Variants in NR5A2 observed in about 807,000 individuals in gnomAD.
NR5A2 encodes the protein nuclear receptor subfamily 5 group A member 2, also known as CYP7A promoter-binding factor.
In NR5A2, 26 loss-of-function variants were observed where a neutral mutation model predicts 62.7. That is an observed-to-expected ratio of 0.41 (90% CI 0.30 to 0.58). NR5A2 has a LOEUF of 0.58. NR5A2 is among the 20% of genes least tolerant of loss of function. The pLI is 0.22. For synonymous variants in NR5A2, 246 were observed against 241.7 expected (o/e 1.02, Z -0.16); for missense variants, 541 against 669.1 (o/e 0.81, Z 2.11).
rs1288673928 is a variant in NR5A2 at position 200,070,895 on chromosome 1, G to A, written c.1110+22077G>A. The stretch of plus-strand genomic sequence containing the variant: ...GCAGAGTTTCAGTTTATATGTGCAG[G>A]CTCTCAGGTAAAAGGGAGAATTCTG... On this transcript the variant is annotated intron_variant, in intron 5 of 7. Coordinates refer to ENST00000367362, the MANE Select transcript of NR5A2 (RefSeq NM_205860.3). Among the ~76,000 whole-genome samples, 7 of 152,214 alleles carry A rather than the reference G, an allele frequency of 4.6e-5. No individual in the cohort carries two copies. In the East Asian group the frequency reaches 1.4e-3, roughly 29 times the overall value.
intron 1 of NR5A2, among the ~76,000 whole-genome samples, chr1:200,030,134 T>C (rs1661499531): frequency 6.6e-6 from 1 of 152,108 alleles, no homozygotes; most frequent in African/African-American, 2.4e-5. Context: ...AGAGAGTGTC[T>C]GAGGGTCTCG....
chr1:200,167,184 G>A (rs1446724787), intron 7 of NR5A2, among the ~76,000 whole-genome samples: 1 of 152,006 alleles, frequency 6.6e-6, no homozygotes, highest in African/African-American at 2.4e-5. Flanking sequence ...CTTTATGTCT[G>A]GCCATTTCCT....
At chr1:200,124,187 A>G (rs1666602984) in intron 7 of NR5A2, among the ~76,000 whole-genome samples, 1 of 152,216 alleles carries the variant, frequency 6.6e-6, no homozygotes, top group African/African-American at 2.4e-5. Flanking sequence ...AAGATGTGGC[A>G]GAGTTGAGAG....
intron 5 of NR5A2, among the ~76,000 whole-genome samples, chr1:200,065,048 G>A (rs891272185): frequency 1.3e-4 from 20 of 151,986 alleles, no homozygotes; most frequent in African/African-American, 4.3e-4. Context: ...GCCTCCCGAA[G>A]TGTTGGGGTT....
At chr1:200,091,995 G>A (rs1558132513) in intron 5 of NR5A2, among the ~76,000 whole-genome samples, 3 of 152,234 alleles carry the variant, frequency 2.0e-5, no homozygotes, top group South Asian at 4.1e-4. Context: ...ACAGTCCCCC[G>A]AACTGCTGGA....
chr1:200,090,505 T>C (rs1664764342), intron 5 of NR5A2, among the ~76,000 whole-genome samples: 2 of 152,238 alleles, frequency 1.3e-5, no homozygotes, highest in East Asian at 1.9e-4. Context: ...CTTGGTGTAA[T>C]TGGAAAAATA....
intron 5 of NR5A2, among the ~76,000 whole-genome samples, chr1:200,078,227 A>T (rs1022755227): frequency 2.6e-5 from 4 of 152,218 alleles, no homozygotes; most frequent in Admixed American, 6.5e-5. Flanking sequence ...GAGTTGGTCC[A>T]CTAAAGACTT....
At chr1:200,172,590 G>T (rs1351275124) in intron 7 of NR5A2, among the ~76,000 whole-genome samples, 2 of 152,306 alleles carry the variant, frequency 1.3e-5, no homozygotes, top group African/African-American at 4.8e-5. Flanking sequence ...TCAGAGACTT[G>T]GGGATGGAAA....
intron 7 of NR5A2, among the ~76,000 whole-genome samples, chr1:200,152,729 C>G (rs550495205): frequency 6.6e-6 from 1 of 151,686 alleles, no homozygotes; most frequent in Non-Finnish European, 1.5e-5. Flanking sequence ...TTTTCTATTT[C>G]GTTTTTCTAT....
At chr1:200,050,932 T>A (rs537011452) in intron 5 of NR5A2, among the ~76,000 whole-genome samples, 7 of 152,282 alleles carry the variant, frequency 4.6e-5, no homozygotes, top group African/African-American at 1.4e-4. Context: ...ATCACTGTTG[T>A]TTTATGAAAA....
intron 7 of NR5A2, 83 bp downstream of exon 7, chr1:200,121,038 GTT>G: frequency 2.7e-6 from 4 of 1,458,542 alleles, no homozygotes; most frequent in Non-Finnish European, 3.8e-6. Context: ...GTCCATGTAT[GTT>G]TTTGTTCTAT....
rs191572805 is a variant in NR5A2, at chr1:200,147,666, G to A, written c.1379-26297G>A. ...TGTCGATTGAGTTGAAGTCGGACACGTGGAAGACATGGGTGGACTTGGGCT... is the reference window on the plus strand; with the variant it reads ...TGTCGATTGAGTTGAAGTCGGACACATGGAAGACATGGGTGGACTTGGGCT... On this transcript the variant is annotated intron_variant, in intron 7 of 7. Transcript: ENST00000367362. This position sits in a 1 kb window ranked among gnomAD's most constrained non-coding sequence, Gnocchi z 4.9. 61 of 698,174 alleles carry A rather than the reference G, an allele frequency of 8.7e-5. No individual in the cohort carries two copies. In the East Asian group the frequency reaches 1.8e-3, roughly 20 times the overall value. The allele number at this position is 698,174 out of a possible 1,614,324, so 43.2% of individuals were successfully genotyped here. A position where few individuals can be genotyped will look rare whatever the true frequency, so the allele number is the denominator to read the frequency against.
In NR5A2 at chr1:200,119,486, C is replaced by T. The variant is rs1165320638; in HGVS notation, c.1231-1322C>T. ...CTCTCCAGTAAAAAAAGGATGGGAG[C>T]GTCAGGTACCAACTGGGCTTTCCCA... On this transcript the variant is annotated intron_variant, in intron 6 of 7. Transcript: ENST00000367362. Among the ~76,000 whole-genome samples the T allele has an allele frequency of 3.9e-5, 6 of 152,124 alleles. No homozygotes were observed. In the East Asian group the frequency reaches 9.6e-4, roughly 24 times the overall value.
chr1:200,173,935 GCTT>G (rs1230499823), intron 7 of NR5A2, 25 bp from the exon 8 acceptor site: 12 of 1,072,894 alleles, frequency 1.1e-5, no homozygotes, highest in East Asian at 5.9e-5. Context: ...TTGAAATGTT[GCTT>G]TTTTTTTTTT....
chr1:200,036,900 G>A (rs1661804367), intron 1 of NR5A2, among the ~76,000 whole-genome samples: 1 of 152,184 alleles, frequency 6.6e-6, no homozygotes, highest in Non-Finnish European at 1.5e-5. Flanking sequence ...GCTTCCCTCC[G>A]TGATACAAGC....
chr1:200,132,713 G>T (rs1293411666), intron 7 of NR5A2, among the ~76,000 whole-genome samples: 1 of 152,198 alleles, frequency 6.6e-6, no homozygotes. Flanking sequence ...AATGCCATGT[G>T]CTCTTGGTTG....
intron 7 of NR5A2, chr1:200,148,249 C>A: frequency 4.7e-6 from 1 of 214,848 alleles, no homozygotes; most frequent in East Asian, 1.4e-4. Flanking sequence ...CAAAGGAAGC[C>A]GGCCACAGCA....
In NR5A2 at chr1:200,176,381, G is replaced by A. The variant is rs2246210; in HGVS notation, c.*2171G>A. ...TAAGCTGGGCGTTGACTCATGCGCA[G>A]TCTCAGTCACCCGTGTTATCTTCGT... On this transcript the variant is annotated 3_prime_UTR_variant, in exon 8 of 8. Transcript: ENST00000367362. 0.64 allele frequency: 98,180 copies of A among 152,494 alleles called. 31,901 individuals carry two copies. The highest frequency in any genetic ancestry group is 0.71 in the South Asian group (3,431 of 4,828). The allele number at this position is 152,494 out of a possible 1,614,324, so 9.4% of individuals were successfully genotyped here.
At chr1:200,052,085 T>C (rs1662659464) in intron 5 of NR5A2, among the ~76,000 whole-genome samples, 1 of 152,228 alleles carries the variant, frequency 6.6e-6, no homozygotes, top group Non-Finnish European at 1.5e-5. Flanking sequence ...CACGACTCAC[T>C]AAATTGATTT....
Sources: gnomAD v4.1 joint callset for allele counts (sites outside exome capture counted in the v4.1 genomes callset) on GRCh38, gnomAD v4.1.1 for gene constraint, Gnocchi (gnomAD v3.1) non-coding constraint, MANE v1.5 for transcripts, NCBI Gene and HGNC (gene_info 2026-07-23, HGNC 2026-07-21) for gene names.